SPADH: variants seen among roughly 807,000 people sequenced by gnomAD.
SPADH encodes CUB domain-containing protein.
the SPADH span, among the ~76,000 whole-genome samples, chr10:122,677,101 A>G: frequency 2.0e-5 from 3 of 151,968 alleles, no homozygotes; most frequent in African/African-American, 7.3e-5. Flanking sequence ...CTCATTCCTC[A>G]CAACTGGTTT....
chr10:122,677,114 C>A, the SPADH span, among the ~76,000 whole-genome samples: 1 of 152,170 alleles, frequency 6.6e-6, no homozygotes, highest in African/African-American at 2.4e-5. Context: ...ACTGGTTTCT[C>A]TTCTCTGCTC....
the SPADH span, among the ~76,000 whole-genome samples, chr10:122,678,109 G>T: frequency 6.6e-6 from 1 of 152,108 alleles, no homozygotes; most frequent in Non-Finnish European, 1.5e-5. Flanking sequence ...GTCCTGGTGG[G>T]GTGTCCCCTT....
At chr10:122,678,449 C>T in the SPADH span, among the ~76,000 whole-genome samples, 1 of 152,182 alleles carries the variant, frequency 6.6e-6, no homozygotes. Flanking sequence ...GATTTTTGTC[C>T]TGACACAGAG....
chr10:122,673,289 G>A, the SPADH span, among the ~76,000 whole-genome samples: 1 of 152,194 alleles, frequency 6.6e-6, no homozygotes, highest in Non-Finnish European at 1.5e-5. Context: ...GGCTTTCCAG[G>A]TGGTCTGACG....
At chr10:122,678,896 G>C in the SPADH span, 1 of 984,264 alleles carries the variant, frequency 1.0e-6, no homozygotes, top group Non-Finnish European at 1.2e-6. Context: ...TGGACCTCCA[G>C]GGTCTGAGTC....
At chr10:122,672,855 T>C in the SPADH span, 7 of 984,804 alleles carry the variant, frequency 7.1e-6, no homozygotes, top group Non-Finnish European at 8.4e-6. Flanking sequence ...AGCTCACTCC[T>C]GAGGTTGGTG....
the SPADH span, chr10:122,675,786 C>T: frequency 7.6e-6 from 2 of 262,222 alleles, no homozygotes; most frequent in African/African-American, 2.3e-5. Flanking sequence ...AATTCTTGTC[C>T]AAAAGGACTT....
At chr10:122,673,762 C>T in the SPADH span, among the ~76,000 whole-genome samples, 1 of 152,168 alleles carries the variant, frequency 6.6e-6, no homozygotes, top group Non-Finnish European at 1.5e-5. Flanking sequence ...TCCTCTCTTG[C>T]CCTTGCCGGG....
At chr10:122,672,878 G>A in the SPADH span, 1 of 985,340 alleles carries the variant, frequency 1.0e-6, no homozygotes, top group South Asian at 4.7e-5. Flanking sequence ...AGGCCCTGCT[G>A]AGGATGAGGC....
the SPADH span, among the ~76,000 whole-genome samples, chr10:122,674,727 C>A: frequency 4.1e-4 from 63 of 152,316 alleles, no homozygotes; most frequent in African/African-American, 1.5e-3. Context: ...GTCTTGAAAG[C>A]GTTAGAGTGA....
chr10:122,672,859 G>T, the SPADH span: 2 of 985,220 alleles, frequency 2.0e-6, no homozygotes, highest in African/African-American at 1.7e-5. Context: ...CACTCCTGAG[G>T]TTGGTGCCAG....
At chr10:122,673,554 G>C in the SPADH span, among the ~76,000 whole-genome samples, 2 of 152,170 alleles carry the variant, frequency 1.3e-5, no homozygotes, top group East Asian at 3.8e-4. Flanking sequence ...AACTGCATGA[G>C]GACTGGCCAA....
At chr10:122,672,959 G>A in the SPADH span, 7 of 983,786 alleles carry the variant, frequency 7.1e-6, no homozygotes, top group Non-Finnish European at 8.4e-6. Flanking sequence ...TTTCTTCTGG[G>A]CCTCGCACTG....
At chr10:122,675,611 T>C in the SPADH span, 1 of 972,776 alleles carries the variant, frequency 1.0e-6, no homozygotes, top group South Asian at 4.7e-5. Context: ...CAGATTTTCA[T>C]GGTTTTTTTT....
the SPADH span, among the ~76,000 whole-genome samples, chr10:122,678,164 A>T: frequency 6.6e-6 from 1 of 152,122 alleles, no homozygotes; most frequent in Non-Finnish European, 1.5e-5. Context: ...CTCCTTGTGA[A>T]CTGAGACCTG....
chr10:122,675,762 C>T, the SPADH span: 2 of 376,744 alleles, frequency 5.3e-6, no homozygotes, highest in Non-Finnish European at 7.3e-6. Flanking sequence ...ATGAGAAGGG[C>T]ACGTACCAGG....
chr10:122,677,985 CAT>C, the SPADH span, among the ~76,000 whole-genome samples: 73 of 152,292 alleles, frequency 4.8e-4, no homozygotes, highest in Admixed American at 9.2e-4. Context: ...GACATTTTCC[CAT>C]ATTGTCCCTT....
chr10:122,678,114 C>G, the SPADH span, among the ~76,000 whole-genome samples: 1 of 152,074 alleles, frequency 6.6e-6, no homozygotes, highest in African/African-American at 2.4e-5. Context: ...GGTGGGGTGT[C>G]CCCTTGTTGT....
chr10:122,676,980 C>G, the SPADH span: 1 of 858,464 alleles, frequency 1.2e-6, no homozygotes, highest in African/African-American at 1.8e-5. Flanking sequence ...ACCTTCCACC[C>G]TATCCATGAC....
Sources: gnomAD v4.1 joint callset for allele counts (sites outside exome capture counted in the v4.1 genomes callset) on GRCh38, gnomAD v4.1.1 for gene constraint, MANE v1.5 for transcripts, NCBI Gene and HGNC (gene_info 2026-07-23, HGNC 2026-07-21) for gene names.